The following ALCAM variants were observed in gnomAD, a reference collection of about 807,000 sequenced individuals.
The protein encoded by ALCAM is CD166 antigen.
A neutral mutation model predicts 70.9 loss-of-function variants in ALCAM; 30 were observed. The observed-to-expected ratio is 0.42, with a 90% CI of 0.32 to 0.57. The LOEUF (loss-of-function observed/expected upper bound fraction) is 0.57, where lower values mean the gene tolerates loss of function less well. ALCAM is among the 20% of genes least tolerant of loss of function. The pLI, the probability that ALCAM is intolerant of heterozygous loss-of-function variation, is 0.11. For missense variants in ALCAM, 591 were observed against 695.1 expected, an observed-to-expected ratio of 0.85 and a Z score of 1.68; for synonymous variants, 249 against 242.5, an observed-to-expected ratio of 1.03 and a Z score of -0.25.
At chr3:105,502,810 A>G (rs1469280638) in intron 1 of ALCAM, among the ~76,000 whole-genome samples, 1 of 152,200 alleles carries the variant, frequency 6.6e-6, no homozygotes, top group Non-Finnish European at 1.5e-5. Flanking sequence ...TCACACTATC[A>G]CCTAGAATTG....
chr3:105,367,264 G>C lies in ALCAM; in HGVS notation c.-145G>C. Reference sequence around the variant, plus strand: ...TGCGGCAGAGAACCGAAGGTGCAGCGCCACAGCCCAGGGGACGGTGTGTCT... The same window carrying C: ...TGCGGCAGAGAACCGAAGGTGCAGCCCCACAGCCCAGGGGACGGTGTGTCT... On this transcript the variant is annotated 5_prime_UTR_variant, in exon 1 of 16. Transcript: ENST00000306107. 4.1e-6 allele frequency: 3 copies of C among 727,742 alleles called. No homozygotes were observed. The highest frequency in any genetic ancestry group is 6.8e-6 in the Non-Finnish European group (3 of 438,592). 45.1% of individuals were successfully genotyped at this position (727,742 alleles called of 1,614,324 possible).
chr3:105,562,133 A>G (rs1240193599), intron 14 of ALCAM, among the ~76,000 whole-genome samples: 2 of 152,200 alleles, frequency 1.3e-5, no homozygotes, highest in African/African-American at 2.4e-5. Context: ...CTGCCCTGAG[A>G]CATCTCATTA....
intron 1 of ALCAM, among the ~76,000 whole-genome samples, chr3:105,494,104 AC>A (rs1373282713): frequency 2.0e-5 from 3 of 152,190 alleles, no homozygotes; most frequent in South Asian, 2.1e-4. Context: ...GTAGAATGAA[AC>A]TAATTTTTCT....
At chr3:105,491,648 C>G (rs1431574654) in intron 1 of ALCAM, among the ~76,000 whole-genome samples, 1 of 152,184 alleles carries the variant, frequency 6.6e-6, no homozygotes, top group African/African-American at 2.4e-5. Flanking sequence ...GTTCAAATTT[C>G]CACAGATCTC....
intron 1 of ALCAM, among the ~76,000 whole-genome samples, chr3:105,481,434 A>T (rs1938269474): frequency 6.6e-6 from 1 of 152,150 alleles, no homozygotes; most frequent in Non-Finnish European, 1.5e-5. Context: ...TTGATGGCTT[A>T]TTTTTTAAAC....
chr3:105,423,573 C>T (rs967566372), intron 1 of ALCAM, among the ~76,000 whole-genome samples: 31 of 149,616 alleles, frequency 2.1e-4, no homozygotes, highest in Non-Finnish European at 4.6e-4. Context: ...GCCTAATTCT[C>T]CTCCAGGACT....
intron 1 of ALCAM, among the ~76,000 whole-genome samples, chr3:105,466,122 C>A (rs762295254): frequency 6.6e-6 from 1 of 151,384 alleles, no homozygotes; most frequent in Non-Finnish European, 1.5e-5. Context: ...TAAGTGCTAG[C>A]TCAAAGATCA....
chr3:105,457,813 G>C (rs574840075), intron 1 of ALCAM, among the ~76,000 whole-genome samples: 2 of 152,090 alleles, frequency 1.3e-5, no homozygotes, highest in South Asian at 4.1e-4. Flanking sequence ...AACTTCCCAG[G>C]GTCTCCACAG....
intron 14 of ALCAM, among the ~76,000 whole-genome samples, chr3:105,555,997 C>T (rs1355666059): frequency 2.6e-5 from 4 of 151,778 alleles, no homozygotes; most frequent in Non-Finnish European, 4.4e-5. Context: ...TTAATTAGTC[C>T]ACCCTATATC....
At chr3:105,374,770 G>A (rs540906491) in intron 1 of ALCAM, among the ~76,000 whole-genome samples, 35 of 152,132 alleles carry the variant, frequency 2.3e-4, no homozygotes, top group African/African-American at 6.8e-4. Context: ...TACATGCCGC[G>A]GCCTCCCAAA....
chr3:105,478,669 G>A (rs1463711770), intron 1 of ALCAM, among the ~76,000 whole-genome samples: 2 of 152,110 alleles, frequency 1.3e-5, no homozygotes, highest in African/African-American at 2.4e-5. Context: ...TTATCTGTGA[G>A]AGGATCAGTA....
intron 14 of ALCAM, among the ~76,000 whole-genome samples, chr3:105,558,854 G>A (rs1576241414): frequency 6.6e-6 from 1 of 151,918 alleles, no homozygotes; most frequent in Non-Finnish European, 1.5e-5. Context: ...CCAGCTCTAC[G>A]AGGAAATCCT....
intron 1 of ALCAM, among the ~76,000 whole-genome samples, chr3:105,376,793 A>T (rs1935390237): frequency 6.6e-6 from 1 of 152,164 alleles, no homozygotes. Context: ...CTAGCAAAGG[A>T]TGTAGGCTGA....
chr3:105,425,691 G>T (rs946890272), intron 1 of ALCAM, among the ~76,000 whole-genome samples: 1 of 151,464 alleles, frequency 6.6e-6, no homozygotes, highest in Non-Finnish European at 1.5e-5. Flanking sequence ...AAATTAAATA[G>T]TCACTAATAT....
chr3:105,496,961 C>T (rs1938760584), intron 1 of ALCAM, among the ~76,000 whole-genome samples: 1 of 151,776 alleles, frequency 6.6e-6, no homozygotes, highest in African/African-American at 2.4e-5. Flanking sequence ...ATTAAATGGA[C>T]GTTTCCATCT....
chr3:105,530,217 A>G (rs1345570738), intron 3 of ALCAM, among the ~76,000 whole-genome samples: 1 of 152,060 alleles, frequency 6.6e-6, no homozygotes, highest in Non-Finnish European at 1.5e-5. Flanking sequence ...AATATTTCAG[A>G]TGCATTCTTC....
At chr3:105,529,731 A>G (rs1939792592) in intron 3 of ALCAM, among the ~76,000 whole-genome samples, 1 of 152,150 alleles carries the variant, frequency 6.6e-6, no homozygotes, top group Admixed American at 6.6e-5. Context: ...AATTTTATAA[A>G]GCATTTATGG....
At chr3:105,454,485 A>G (rs763614068) in intron 1 of ALCAM, among the ~76,000 whole-genome samples, 1 of 151,950 alleles carries the variant, frequency 6.6e-6, no homozygotes, top group Non-Finnish European at 1.5e-5. Flanking sequence ...TCATTTTTAG[A>G]CAGGGGAGAC....
At chr3:105,408,065 A>AAAT (rs1936294068) in intron 1 of ALCAM, among the ~76,000 whole-genome samples, 1 of 152,164 alleles carries the variant, frequency 6.6e-6, no homozygotes, top group Non-Finnish European at 1.5e-5. Flanking sequence ...AATACATGAC[A>AAAT]CAAACAAATG....
Sources: gnomAD v4.1 joint callset for allele counts (sites outside exome capture counted in the v4.1 genomes callset) on GRCh38, gnomAD v4.1.1 for gene constraint, MANE v1.5 for transcripts, NCBI Gene and HGNC (gene_info 2026-07-23, HGNC 2026-07-21) for gene names.